Variants in GALNTL6 observed in about 807,000 individuals in gnomAD.
GALNTL6 encodes polypeptide N-acetylgalactosaminyltransferase like 6, also known as polypeptide N-acetylgalactosaminyltransferase-like 6.
GALNTL6 carries 46 observed loss-of-function variants against 73.7 expected under a neutral mutation model. The ratio of observed to expected loss-of-function variants is 0.62; its 90% CI spans 0.49 to 0.80. The LOEUF (loss-of-function observed/expected upper bound fraction) is 0.80, where lower values mean the gene tolerates loss of function less well. Among genes scored for constraint, GALNTL6 ranks in the 30% least tolerant of loss-of-function variants. GALNTL6 has a pLI of 0.00. For missense variants in GALNTL6, 604 were observed against 755.0 expected, an observed-to-expected ratio of 0.80 and a Z score of 2.34; for synonymous variants, 259 against 263.7, an observed-to-expected ratio of 0.98 and a Z score of 0.17.
At chr4:172,975,326 G>A (rs1280202333) in intron 10 of GALNTL6, among the ~76,000 whole-genome samples, 1 of 152,266 alleles carries the variant, frequency 6.6e-6, no homozygotes, top group Non-Finnish European at 1.5e-5. Flanking sequence ...TCTATCTGCA[G>A]GCAGGTCGTC....
chr4:172,481,123 G>A (rs10032012), intron 5 of GALNTL6, among the ~76,000 whole-genome samples: 31,594 of 151,972 alleles, frequency 0.21, 3,863 homozygotes, highest in East Asian at 0.35. Flanking sequence ...GGACGTGTTC[G>A]GAGTTTCTTC....
chr4:172,234,329 A>G (rs961474), intron 3 of GALNTL6, among the ~76,000 whole-genome samples: 58,148 of 152,004 alleles, frequency 0.38, 11,281 homozygotes, highest in Non-Finnish European at 0.41. Context: ...TTGGCATTTT[A>G]TGATTCTCAC....
intron 2 of GALNTL6, among the ~76,000 whole-genome samples, chr4:172,194,253 T>C (rs749900745): frequency 2.6e-5 from 4 of 152,142 alleles, no homozygotes; most frequent in African/African-American, 4.8e-5. Flanking sequence ...TTGAAGACTA[T>C]CTTGCTGAAA....
intron 12 of GALNTL6, among the ~76,000 whole-genome samples, chr4:173,025,038 C>T (rs1172456499): frequency 6.6e-6 from 1 of 152,210 alleles, no homozygotes; most frequent in Non-Finnish European, 1.5e-5. Flanking sequence ...GGCCAGAAGC[C>T]ACCTTGCTTG....
chr4:172,000,550 GA>G (rs543379472), intron 2 of GALNTL6, among the ~76,000 whole-genome samples: 2 of 152,156 alleles, frequency 1.3e-5, no homozygotes, highest in Non-Finnish European at 1.5e-5. Flanking sequence ...CCGAAGCAGG[GA>G]AAGGTGGGAA....
chr4:172,194,596 T>A (rs1735692776), intron 2 of GALNTL6, among the ~76,000 whole-genome samples: 1 of 152,166 alleles, frequency 6.6e-6, no homozygotes, highest in African/African-American at 2.4e-5. Flanking sequence ...ACAGTGGACA[T>A]CTCAGTAGGA....
intron 2 of GALNTL6, among the ~76,000 whole-genome samples, chr4:172,152,205 T>C (rs1734111114): frequency 6.6e-6 from 1 of 152,156 alleles, no homozygotes; most frequent in Admixed American, 6.5e-5. Flanking sequence ...CTCAAACTCC[T>C]GACCTCAAAT....
chr4:171,967,628 C>T (rs540687442), intron 2 of GALNTL6, among the ~76,000 whole-genome samples: 2 of 152,020 alleles, frequency 1.3e-5, no homozygotes, highest in African/African-American at 4.8e-5. Context: ...ACTTACATGC[C>T]TCTGTTAACA....
chr4:172,572,788 T>C (rs977575847), intron 5 of GALNTL6, among the ~76,000 whole-genome samples: 10 of 152,300 alleles, frequency 6.6e-5, no homozygotes, highest in South Asian at 4.1e-4. Context: ...ACTTTACTAA[T>C]AGGAATGATT....
chr4:172,722,040 G>A (rs1375305174), intron 5 of GALNTL6, among the ~76,000 whole-genome samples: 1 of 150,450 alleles, frequency 6.6e-6, no homozygotes, highest in Non-Finnish European at 1.5e-5. Flanking sequence ...AGTCCTGCAC[G>A]AACAGAGTTC....
At chr4:171,985,040 A>G (rs1452385036) in intron 2 of GALNTL6, among the ~76,000 whole-genome samples, 1 of 151,708 alleles carries the variant, frequency 6.6e-6, no homozygotes, top group Non-Finnish European at 1.5e-5. Context: ...GCCTTTAGGT[A>G]GATTATTCCA....
At chr4:172,368,273 C>T (rs943855212) in intron 5 of GALNTL6, among the ~76,000 whole-genome samples, 3 of 151,916 alleles carry the variant, frequency 2.0e-5, no homozygotes, top group East Asian at 1.9e-4. Flanking sequence ...CCCAGCTACT[C>T]GGGAGGCTGA....
At chr4:172,044,379 G>A (rs186330099) in intron 2 of GALNTL6, among the ~76,000 whole-genome samples, 67 of 151,796 alleles carry the variant, frequency 4.4e-4, no homozygotes, top group Middle Eastern at 3.4e-3. Flanking sequence ...TGAAAAATGC[G>A]TACTATCATT....
intron 2 of GALNTL6, among the ~76,000 whole-genome samples, chr4:172,072,284 A>C (rs189946425): frequency 5.5e-4 from 83 of 151,922 alleles, no homozygotes; most frequent in Non-Finnish European, 1.0e-4. Context: ...TTCACAGTAG[A>C]TGGTTTGCTC....
In GALNTL6 at chr4:172,071,257, C is replaced by A. The variant is rs562333402; in HGVS notation, c.139-158399C>A. On this transcript the variant is annotated intron_variant, in intron 2 of 12. Transcript: ENST00000506823. ...GGAGGATGGTCAGCTCTCTCATCAA[C>A]GTGTGGTTTTCAAGGATTGTGCTAT... Among the ~76,000 whole-genome samples the A allele has an allele frequency of 2.3e-4, 25 of 109,640 alleles. 6 individuals are homozygous for A. In the South Asian group the frequency reaches 6.7e-3, roughly 29 times the overall value. 71.9% of individuals were successfully genotyped at this position (109,640 alleles called of 152,430 possible).
chr4:172,292,467 C>A (rs1368558585), intron 3 of GALNTL6, among the ~76,000 whole-genome samples: 1 of 152,044 alleles, frequency 6.6e-6, no homozygotes. Context: ...TCCATAATTT[C>A]TGTAAAATTG....
At chr4:172,243,079 G>T (rs1407528904) in intron 3 of GALNTL6, among the ~76,000 whole-genome samples, 2 of 152,142 alleles carry the variant, frequency 1.3e-5, no homozygotes, top group Non-Finnish European at 2.9e-5. Context: ...CCTGACCCAT[G>T]TCTCTGACCT....
chr4:171,847,660 C>T (rs1420654200), intron 2 of GALNTL6, among the ~76,000 whole-genome samples: 2 of 152,168 alleles, frequency 1.3e-5, no homozygotes, highest in African/African-American at 4.8e-5. Context: ...GCTGATATTT[C>T]AACAATGTTC....
At chr4:171,887,159 C>T (rs2110920360) in intron 2 of GALNTL6, among the ~76,000 whole-genome samples, 2 of 152,220 alleles carry the variant, frequency 1.3e-5, no homozygotes, top group East Asian at 3.9e-4. Flanking sequence ...AGCAAACTCT[C>T]CAGATGAAGC....
Sources: gnomAD v4.1 joint callset for allele counts (sites outside exome capture counted in the v4.1 genomes callset) on GRCh38, gnomAD v4.1.1 for gene constraint, MANE v1.5 for transcripts, NCBI Gene and HGNC (gene_info 2026-07-23, HGNC 2026-07-21) for gene names.